The following GALNTL6 variants were observed in gnomAD, a reference collection of about 807,000 sequenced individuals.
GALNTL6 encodes the protein polypeptide N-acetylgalactosaminyltransferase-like 6.
Under a neutral mutation model 73.7 loss-of-function variants are expected in GALNTL6, and 46 were observed. The observed-to-expected ratio is 0.62, with a 90% CI of 0.49 to 0.80. The LOEUF is 0.80. Among genes scored for constraint, GALNTL6 ranks in the 30% least tolerant of loss-of-function variants. GALNTL6 has a pLI of 0.00. For synonymous variants in GALNTL6, 259 were observed against 263.7 expected (o/e 0.98, Z 0.17); for missense variants, 604 against 755.0 (o/e 0.80, Z 2.34).
intron 5 of GALNTL6, among the ~76,000 whole-genome samples, chr4:172,661,182 T>C (rs115457042): frequency 7.7e-4 from 118 of 152,296 alleles, no homozygotes; most frequent in African/African-American, 2.1e-3. Flanking sequence ...ATGGGCCTCA[T>C]ACAATCAGTT....
At chr4:172,843,229 T>C (rs1223421778) in intron 7 of GALNTL6, among the ~76,000 whole-genome samples, 4 of 152,208 alleles carry the variant, frequency 2.6e-5, no homozygotes, top group African/African-American at 9.6e-5. Context: ...ATGGAGGTTC[T>C]TGATTAGAGG....
chr4:172,206,492 T>G (rs1477846003), intron 2 of GALNTL6, among the ~76,000 whole-genome samples: 1 of 152,176 alleles, frequency 6.6e-6, no homozygotes, highest in Non-Finnish European at 1.5e-5. Flanking sequence ...GTACTGACAC[T>G]CTTCATGCCA....
At chr4:172,739,526 T>G (rs1049534269) in intron 5 of GALNTL6, among the ~76,000 whole-genome samples, 1 of 152,120 alleles carries the variant, frequency 6.6e-6, no homozygotes, top group African/African-American at 2.4e-5. Context: ...AGCCTTAAAA[T>G]TAGAAAATTT....
chr4:172,020,316 GAAAT>G (rs1052040228), intron 2 of GALNTL6, among the ~76,000 whole-genome samples: 5 of 145,464 alleles, frequency 3.4e-5, no homozygotes, highest in Non-Finnish European at 4.5e-5. Context: ...GATTACAGCA[GAAAT>G]AAATAAAATT....
At chr4:172,513,201 T>G (rs1191108939) in intron 5 of GALNTL6, among the ~76,000 whole-genome samples, 1 of 152,218 alleles carries the variant, frequency 6.6e-6, no homozygotes, top group African/African-American at 2.4e-5. Context: ...AAAAGCCTTG[T>G]CTTCAAGCTC....
At position 172,069,391 on chromosome 4, in the gene GALNTL6, A is replaced by G. The variant is rs533394219; in HGVS notation, c.139-160265A>G. 1.9e-3 allele frequency among the ~76,000 whole-genome samples: 188 copies of G among 99,472 alleles called. 39 individuals carry two copies. The highest frequency in any genetic ancestry group is 1.5e-3 in the Non-Finnish European group (68 of 46,390). 65.3% of individuals were successfully genotyped at this position (99,472 alleles called of 152,430 possible). ...TGTGTATATATATGTGTGTGTACAT[A>G]TGTGTTATATATAACACATATATGT... On this transcript the variant is annotated intron_variant, in intron 2 of 12. Coordinates refer to ENST00000506823, the MANE Select transcript of GALNTL6 (RefSeq NM_001034845.3).
intron 2 of GALNTL6, among the ~76,000 whole-genome samples, chr4:171,870,889 C>CT (rs1736117130): frequency 6.6e-6 from 1 of 152,134 alleles, no homozygotes; most frequent in Non-Finnish European, 1.5e-5. Context: ...CCTGCTGATA[C>CT]TTCAGTCATG....
intron 2 of GALNTL6, among the ~76,000 whole-genome samples, chr4:172,101,137 G>A (rs1040949659): frequency 6.6e-6 from 1 of 152,010 alleles, no homozygotes; most frequent in Non-Finnish European, 1.5e-5. Context: ...ACTGGCACTT[G>A]TAGAGCCAGT....
At chr4:172,722,081 G>A (rs1735514905) in intron 5 of GALNTL6, among the ~76,000 whole-genome samples, 1 of 151,048 alleles carries the variant, frequency 6.6e-6, no homozygotes, top group Non-Finnish European at 1.5e-5. Flanking sequence ...TTCTGTCAAT[G>A]TGATCAGTCT....
At chr4:171,939,076 A>T (rs954805778) in intron 2 of GALNTL6, among the ~76,000 whole-genome samples, 8 of 126,178 alleles carry the variant, frequency 6.3e-5, no homozygotes, top group Non-Finnish European at 1.3e-4. Context: ...TCACCAAAAA[A>T]ACAGATATTT....
chr4:172,985,226 T>C (rs1231621312), intron 10 of GALNTL6, among the ~76,000 whole-genome samples: 1 of 152,022 alleles, frequency 6.6e-6, no homozygotes, highest in Non-Finnish European at 1.5e-5. Flanking sequence ...CCCAGTTGTG[T>C]AGTAACAGAA....
chr4:172,273,178 G>T (rs970569903), intron 3 of GALNTL6, among the ~76,000 whole-genome samples: 8 of 152,110 alleles, frequency 5.3e-5, no homozygotes, highest in Non-Finnish European at 1.0e-4. Context: ...AATCCCATTT[G>T]CACCTTAGAA....
At chr4:172,122,478 C>T (rs754652057) in intron 2 of GALNTL6, among the ~76,000 whole-genome samples, 1 of 152,170 alleles carries the variant, frequency 6.6e-6, no homozygotes, top group Admixed American at 6.5e-5. Context: ...AGGCACGAAA[C>T]TTACCTCTTA....
chr4:172,400,105 TCA>T (rs1313370815), intron 5 of GALNTL6, among the ~76,000 whole-genome samples: 1 of 152,154 alleles, frequency 6.6e-6, no homozygotes, highest in Non-Finnish European at 1.5e-5. Flanking sequence ...TAGAAAAATC[TCA>T]GTTGTGCTAA....
chr4:172,851,729 A>C (rs1743828426), intron 7 of GALNTL6, among the ~76,000 whole-genome samples: 1 of 152,204 alleles, frequency 6.6e-6, no homozygotes, highest in African/African-American at 2.4e-5. Flanking sequence ...AACCCAGTTT[A>C]GTTTCCAAAA....
At chr4:172,310,926 T>C (rs926208241) in intron 3 of GALNTL6, among the ~76,000 whole-genome samples, 18 of 152,016 alleles carry the variant, frequency 1.2e-4, no homozygotes, top group African/African-American at 4.1e-4. Flanking sequence ...AAACTGTTTT[T>C]AAAAATGCTT....
intron 2 of GALNTL6, among the ~76,000 whole-genome samples, chr4:171,904,259 G>T: frequency 6.6e-6 from 1 of 152,066 alleles, no homozygotes; most frequent in Non-Finnish European, 1.5e-5. Context: ...AAATTTAGAA[G>T]AATGTATAAC....
At chr4:172,546,059 C>T (rs1256509322) in intron 5 of GALNTL6, among the ~76,000 whole-genome samples, 3 of 152,130 alleles carry the variant, frequency 2.0e-5, no homozygotes, top group African/African-American at 4.8e-5. Flanking sequence ...TATGTATACA[C>T]AGACTTCTGC....
chr4:171,880,780 T>C (rs987960793), intron 2 of GALNTL6, among the ~76,000 whole-genome samples: 2 of 152,096 alleles, frequency 1.3e-5, no homozygotes, highest in Non-Finnish European at 2.9e-5. Context: ...AGCTTCCCCC[T>C]CTGCCCAAGG....
Sources: gnomAD v4.1 joint callset for allele counts (sites outside exome capture counted in the v4.1 genomes callset) on GRCh38, gnomAD v4.1.1 for gene constraint, MANE v1.5 for transcripts, NCBI Gene and HGNC (gene_info 2026-07-23, HGNC 2026-07-21) for gene names.